SVOP: variants seen among roughly 807,000 people sequenced by gnomAD.
SVOP encodes SV2 related protein, also known as synaptic vesicle 2-related protein.
Under a neutral mutation model 69.1 loss-of-function variants are expected in SVOP, and 17 were observed. The observed-to-expected ratio is 0.25, with a 90% CI of 0.17 to 0.37. The LOEUF is 0.37. Ranked by LOEUF, SVOP falls within the 10% of genes least tolerant of loss-of-function variation. SVOP has a pLI of 1.00. For synonymous variants in SVOP, 238 were observed against 238.6 expected, an observed-to-expected ratio of 1.00 and a Z score of 0.02; for missense variants, 435 against 597.5, an observed-to-expected ratio of 0.73 and a Z score of 2.84.
Position 108,979,633 on chromosome 12 carries a change from G to C in SVOP, c.197-970C>G, listed in dbSNP as rs1045105471. ...AAGTGAAAAGCAAAAGTTGTGGAAA[G>C]GTATGTACCAGAGGAGCTGTCTTTG... On this transcript the variant is annotated intron_variant, in intron 2 of 15. Transcript: ENST00000610966. 2.0e-5 allele frequency among the ~76,000 whole-genome samples: 3 copies of C among 152,110 alleles called. No individual in the cohort carries two copies. In the South Asian group the frequency reaches 6.2e-4, roughly 32 times the overall value.
chr12:109,011,505 C>T (rs1593210027), intron 1 of SVOP, among the ~76,000 whole-genome samples: 2 of 152,312 alleles, frequency 1.3e-5, no homozygotes, highest in Middle Eastern at 6.8e-3. Flanking sequence ...GGATGGGAGC[C>T]AGCAGGAAGT....
chr12:108,955,406 GCCAGC>G (rs1433832994), intron 6 of SVOP, among the ~76,000 whole-genome samples: 1 of 152,188 alleles, frequency 6.6e-6, no homozygotes, highest in Non-Finnish European at 1.5e-5. Context: ...ACAAGTCCCT[GCCAGC>G]CCAGATTTAT....
Position 109,020,960 on chromosome 12 carries a change from A to G in SVOP, c.-92T>C, listed in dbSNP as rs1246032896. 3.0e-6 allele frequency: 2 copies of G among 669,906 alleles called. No homozygotes were observed. The highest frequency in any genetic ancestry group is 5.6e-6 in the Non-Finnish European group (2 of 359,160). The allele number at this position is 669,906 out of a possible 1,614,324, so 41.5% of individuals were successfully genotyped here. On this transcript the variant is annotated 5_prime_UTR_variant, in exon 1 of 16. Transcript: ENST00000610966. ...CCGGTTTTCAGCACCGGGAAGCTGG[A>G]CAGCACCCGCGCCGCTTCCTCCCTG...
chr12:108,950,149 G>A (rs2039946144), intron 6 of SVOP, among the ~76,000 whole-genome samples: 1 of 151,984 alleles, frequency 6.6e-6, no homozygotes, highest in Admixed American at 6.6e-5. Flanking sequence ...CTGCAGCCTT[G>A]AGCTCCTGGG....
chr12:108,979,295 G>A (rs1266490653), intron 2 of SVOP, among the ~76,000 whole-genome samples: 2 of 152,134 alleles, frequency 1.3e-5, no homozygotes, highest in Non-Finnish European at 2.9e-5. Context: ...GCTGGAACTC[G>A]GTGGTACAAT....
intron 1 of SVOP, among the ~76,000 whole-genome samples, chr12:109,011,609 T>C (rs1323213464): frequency 6.6e-6 from 1 of 152,194 alleles, no homozygotes; most frequent in Non-Finnish European, 1.5e-5. Context: ...TGGCTTAACA[T>C]GGGCTCAAAG....
chr12:108,918,133 A>G lies in SVOP; in HGVS notation c.1269-9T>C. 6.4e-7 allele frequency: 1 copy of G among 1,555,478 alleles called. No individual in the cohort carries two copies. Among genetic ancestry groups the G allele is most frequent in the Non-Finnish European group, 8.7e-7 (1 of 1,150,138 alleles). ...ACAGAGTGAGCACATTTCTAGGAGG[A>G]GGATAAAGGCAGATGATGGCATTTT... On this transcript the variant is annotated splice_polypyrimidine_tract_variant and intron_variant, in intron 13 of 15. Transcript: ENST00000610966.
rs548855111 is a variant in SVOP at position 109,020,007 on chromosome 12, C to A, written c.35+827G>T. Among the ~76,000 whole-genome samples, 161 of 152,274 alleles carry A rather than the reference C, an allele frequency of 1.1e-3. 4 individuals are homozygous for A. The South Asian group carries it at 0.02, about 19-fold the overall frequency. Reference sequence around the variant, plus strand: ...TAGTGCTTCTAAAAATTAAAACAACCCCTGCCCCACCAATGTTCTTTTTAA... The same window carrying A: ...TAGTGCTTCTAAAAATTAAAACAACACCTGCCCCACCAATGTTCTTTTTAA... On this transcript the variant is annotated intron_variant, in intron 1 of 15. Transcript: ENST00000610966.
chr12:108,929,859 C>A (rs955885602), intron 11 of SVOP, among the ~76,000 whole-genome samples: 3 of 152,182 alleles, frequency 2.0e-5, no homozygotes, highest in African/African-American at 7.2e-5. Flanking sequence ...GACACATAGA[C>A]CAGTACCTGG....
intron 1 of SVOP, among the ~76,000 whole-genome samples, chr12:109,004,582 A>G (rs1243302848): frequency 6.6e-6 from 1 of 150,726 alleles, no homozygotes; most frequent in Non-Finnish European, 1.5e-5. Context: ...ATTTTTTTTT[A>G]ATTTTAGTAG....
In SVOP at chr12:108,934,287, A is replaced by C; in HGVS notation, c.972-16T>G. ...ATTGGAAAACCTGCCAGGAGAAAGC[A>C]AGAAAGGTAAAGAAATGATCAGAGG... On this transcript the variant is annotated splice_polypyrimidine_tract_variant and intron_variant, in intron 10 of 15. Coordinates refer to ENST00000610966, the MANE Select transcript of SVOP (RefSeq NM_018711.5). 6.3e-7 allele frequency: 1 copy of C among 1,581,218 alleles called. No homozygotes were observed. Among genetic ancestry groups the C allele is most frequent in the Non-Finnish European group, 8.6e-7 (1 of 1,162,492 alleles).
intron 9 of SVOP, 83 bp downstream of exon 9, chr12:108,938,744 T>G (rs148312283): frequency 3.7e-5 from 59 of 1,594,092 alleles, no homozygotes; most frequent in African/African-American, 2.0e-4. Flanking sequence ...TGTCCTCGCA[T>G]GCATGCCCTA....
chr12:108,992,775 G>A (rs2040209677), intron 1 of SVOP, among the ~76,000 whole-genome samples: 1 of 152,142 alleles, frequency 6.6e-6, no homozygotes, highest in African/African-American at 2.4e-5. Context: ...AATGGGTGTG[G>A]GGTCTCCTTT....
intron 6 of SVOP, among the ~76,000 whole-genome samples, chr12:108,951,835 G>A (rs1157564787): frequency 6.6e-6 from 1 of 152,160 alleles, no homozygotes; most frequent in Non-Finnish European, 1.5e-5. Flanking sequence ...TTTCCGTCCC[G>A]GTATCTATGC....
intron 1 of SVOP, among the ~76,000 whole-genome samples, chr12:108,997,692 C>T (rs2040244003): frequency 6.6e-6 from 1 of 151,452 alleles, no homozygotes; most frequent in Non-Finnish European, 1.5e-5. Context: ...CACCCCCCAG[C>T]AGGGGCACAC....
At chr12:108,981,195 C>T (rs2040133572) in intron 2 of SVOP, among the ~76,000 whole-genome samples, 1 of 152,176 alleles carries the variant, frequency 6.6e-6, no homozygotes, top group Non-Finnish European at 1.5e-5. Context: ...AGGCACTGTG[C>T]CGAAAGCTAG....
intron 5 of SVOP, among the ~76,000 whole-genome samples, chr12:108,963,315 A>G (rs1037185634): frequency 3.9e-5 from 6 of 152,154 alleles, no homozygotes; most frequent in African/African-American, 1.2e-4. Flanking sequence ...AAGCCTACCA[A>G]ATGATTTCGA....
In SVOP at chr12:108,942,924, C is replaced by G. The variant is rs181731017; in HGVS notation, c.643-2015G>C. Among the ~76,000 whole-genome samples, 470 of 152,142 alleles carry G rather than the reference C, an allele frequency of 3.1e-3. 7 individuals are homozygous for G. Among genetic ancestry groups the G allele is most frequent in the African/African-American group, 0.011 (439 of 41,518 alleles). On this transcript the variant is annotated intron_variant, in intron 7 of 15. Coordinates refer to ENST00000610966, the MANE Select transcript of SVOP (RefSeq NM_018711.5). Reference sequence around the variant, plus strand: ...GGATTACAGGTGTGTGCCACCACACCTGGTTAATTTTTTTTGTTGAGATGG... The same window carrying G: ...GGATTACAGGTGTGTGCCACCACACGTGGTTAATTTTTTTTGTTGAGATGG...
intron 1 of SVOP, among the ~76,000 whole-genome samples, chr12:108,989,508 C>A (rs1302115750): frequency 6.6e-6 from 1 of 152,184 alleles, no homozygotes. Context: ...ACAGGGAGCT[C>A]TGAAGTGTGA....
Sources: allele counts gnomAD v4.1 joint callset (sites outside exome capture counted in the v4.1 genomes callset), GRCh38; gene constraint gnomAD v4.1.1; transcripts MANE v1.5; gene names NCBI Gene and HGNC (gene_info 2026-07-23, HGNC 2026-07-21).